The following FBXO38 variants were observed in gnomAD, a reference collection of about 807,000 sequenced individuals.
FBXO38 encodes the protein F-box only protein 38.
FBXO38 carries 53 observed loss-of-function variants against 131.9 expected under a neutral mutation model. The observed-to-expected ratio is 0.40, with a 90% CI of 0.32 to 0.51. The LOEUF (loss-of-function observed/expected upper bound fraction) is 0.51, where lower values mean the gene tolerates loss of function less well. Ranked by LOEUF, FBXO38 falls within the 20% of genes least tolerant of loss-of-function variation. FBXO38 has a pLI of 0.53. For missense variants in FBXO38, 1,076 were observed against 1,475.6 expected (o/e 0.73, Z 4.44); for synonymous variants, 452 against 505.6 (o/e 0.89, Z 1.42).
At chr5:148,414,112 T>G in intron 9 of FBXO38, 24 bp from the exon 10 acceptor site, 1 of 1,579,708 alleles carries the variant, frequency 6.3e-7, no homozygotes, top group Non-Finnish European at 8.6e-7. Flanking sequence ...ACTTTTTTTT[T>G]TTTTAATTGA....
chr5:148,417,761 C>A (rs1184716186), intron 12 of FBXO38, among the ~76,000 whole-genome samples: 8 of 152,090 alleles, frequency 5.3e-5, no homozygotes, highest in Non-Finnish European at 1.5e-5. Context: ...GGTGTGCCAA[C>A]CCATGTGTGA....
intron 11 of FBXO38, 57 bp from the exon 12 acceptor site, chr5:148,416,937 T>C: frequency 1.0e-6 from 1 of 980,516 alleles, no homozygotes; most frequent in Non-Finnish European, 1.6e-6. Context: ...ATATTAAAAA[T>C]GAAGGGATAT....
chr5:148,404,865 T>TA (rs905002871), intron 6 of FBXO38, 43 bp downstream of exon 6: 1 of 1,540,834 alleles, frequency 6.5e-7, no homozygotes, highest in African/African-American at 1.4e-5. Context: ...TAAGTTATTC[T>TA]AAAAATATCC....
At chr5:148,422,959 T>G (rs1471908101) in intron 12 of FBXO38, among the ~76,000 whole-genome samples, 1 of 150,862 alleles carries the variant, frequency 6.6e-6, no homozygotes. Flanking sequence ...CTGGTTTGTT[T>G]GTTTGTTTGT....
Position 148,440,470 on chromosome 5 carries a change from G to C in FBXO38, c.3217G>C (p.Glu1073Gln). Residue 1073 changes from glutamate to glutamine, a missense_variant, in exon 20 of 22, where the codon GAA becomes CAA. This residue lies in a region of FBXO38 where 282 missense variants were observed against 418.8 expected (regional missense o/e 0.67). Transcript: ENST00000340253. Reference sequence around the variant, plus strand: ...CTTCCCTGAAGCCACTCGAAGTGAAGAAGACTTAAAGAAATACCCCAAGTA... The same window carrying C: ...CTTCCCTGAAGCCACTCGAAGTGAACAAGACTTAAAGAAATACCCCAAGTA... ...EFFPEATRSE[E>Q]DLKKYPKYPW... 1.9e-6 allele frequency: 3 copies of C among 1,612,830 alleles called. No homozygotes were observed. The highest frequency in any genetic ancestry group is 1.3e-5 in the African/African-American group (1 of 74,956).
intron 15 of FBXO38, among the ~76,000 whole-genome samples, chr5:148,431,865 G>T (rs1374775152): frequency 6.6e-6 from 1 of 152,134 alleles, no homozygotes. Flanking sequence ...AGTTTGATGG[G>T]TAGAGCTCTT....
chr5:148,410,465 C>A, intron 8 of FBXO38, 170 bp from the exon 9 acceptor site: 1 of 731,786 alleles, frequency 1.4e-6, no homozygotes, highest in Non-Finnish European at 2.2e-6. Flanking sequence ...GTTCGTGAGG[C>A]CTCCCCAGCC....
chr5:148,384,494 C>T (rs1376368320), intron 1 of FBXO38, among the ~76,000 whole-genome samples: 1 of 152,200 alleles, frequency 6.6e-6, no homozygotes. Flanking sequence ...TCTTTGGCTG[C>T]CACGCCTGAG....
chr5:148,430,768 C>T (rs1445958355), intron 15 of FBXO38: 1 of 152,088 alleles, frequency 6.6e-6, no homozygotes, highest in Non-Finnish European at 1.5e-5. Context: ...ATTTATGGCC[C>T]TGTGGAGTGT....
At chr5:148,384,481 ACATCTTTGGCTG>A (rs1757806601) in intron 1 of FBXO38, among the ~76,000 whole-genome samples, 1 of 152,158 alleles carries the variant, frequency 6.6e-6, no homozygotes, top group Non-Finnish European at 1.5e-5. Context: ...AGCAGTGAAC[ACATCTTTGGCTG>A]CCACGCCTGA....
intron 1 of FBXO38, among the ~76,000 whole-genome samples, chr5:148,386,582 T>C (rs1225749732): frequency 6.6e-6 from 1 of 152,184 alleles, no homozygotes; most frequent in East Asian, 1.9e-4. Context: ...CTTCAACTTT[T>C]AACATTCTGG....
At chr5:148,436,139 A>C (rs899760222) in intron 17 of FBXO38, among the ~76,000 whole-genome samples, 1 of 152,234 alleles carries the variant, frequency 6.6e-6, no homozygotes, top group African/African-American at 2.4e-5. Context: ...TTACTAAAAA[A>C]ATGGCACCAG....
chr5:148,433,160 G>C (rs541772627), intron 15 of FBXO38: 1 of 313,130 alleles, frequency 3.2e-6, no homozygotes, highest in African/African-American at 2.2e-5. Context: ...AGAGAGCCTA[G>C]AAGTAGGAAT....
chr5:148,407,720 C>T (rs892302033), intron 7 of FBXO38, among the ~76,000 whole-genome samples: 14 of 151,806 alleles, frequency 9.2e-5, no homozygotes, highest in Non-Finnish European at 1.3e-4. Flanking sequence ...GTCAGCAGAT[C>T]GAGACCATCC....
chr5:148,425,995 C>A (rs917393645), intron 14 of FBXO38, among the ~76,000 whole-genome samples: 3 of 152,038 alleles, frequency 2.0e-5, no homozygotes, highest in African/African-American at 7.2e-5. Context: ...AAAGCCTGTG[C>A]CTTATGTAAG....
Position 148,424,107 on chromosome 5 carries a change from G to A in FBXO38, c.1728G>A (p.Glu576=), listed in dbSNP as rs774397096. 2.5e-6 allele frequency: 4 copies of A among 1,612,296 alleles called. No homozygotes were observed. In the South Asian group the frequency reaches 4.4e-5, roughly 18 times the overall value. Residue 576 remains glutamate (E), a synonymous_variant, in exon 13 of 22, where the codon GAG becomes GAA. Coordinates refer to ENST00000340253, the MANE Select transcript of FBXO38 (RefSeq NM_205836.3). ...SQAIIPVDVD[E]EQAGPSGLQR... is the part of the protein sequence containing the mutation. ...CAATTATTCCTGTGGATGTTGATGA[G>A]GAACAAGCAGGTAATCATGTGATCC...
chr5:148,407,173 G>GGGATGA (rs2113550948), intron 7 of FBXO38, among the ~76,000 whole-genome samples: 1 of 152,294 alleles, frequency 6.6e-6, no homozygotes, highest in African/African-American at 2.4e-5. Flanking sequence ...TTTAGCCAGT[G>GGGATGA]GGATGAAACA....
intron 7 of FBXO38, among the ~76,000 whole-genome samples, chr5:148,408,166 C>T (rs1752544316): frequency 6.6e-6 from 1 of 152,132 alleles, no homozygotes; most frequent in Non-Finnish European, 1.5e-5. Context: ...ATTGAAACTA[C>T]AGTGTGATAT....
intron 5 of FBXO38, 78 bp downstream of exon 5, chr5:148,402,591 G>C: frequency 8.5e-7 from 1 of 1,176,026 alleles, no homozygotes; most frequent in South Asian, 1.7e-5. Context: ...AAAGAATAAT[G>C]AGAATTTTAG....
Sources: gnomAD v4.1 joint callset for allele counts (sites outside exome capture counted in the v4.1 genomes callset) on GRCh38, gnomAD v4.1.1 for gene constraint, gnomAD v4.1.1 regional missense constraint, MANE v1.5 for transcripts, NCBI Gene and HGNC (gene_info 2026-07-23, HGNC 2026-07-21) for gene names.